The following BIRC6 variants were observed in gnomAD, a reference collection of about 807,000 sequenced individuals.
BIRC6 encodes dual E2 ubiquitin-conjugating enzyme/E3 ubiquitin-protein ligase BIRC6.
Under a neutral mutation model 503.3 loss-of-function variants are expected in BIRC6, and 98 were observed. That is an observed-to-expected ratio of 0.19 (90% CI 0.17 to 0.23). The LOEUF (loss-of-function observed/expected upper bound fraction) is 0.23. Among genes scored for constraint, BIRC6 ranks in the 10% least tolerant of loss-of-function variants. The pLI, the probability that BIRC6 is intolerant of heterozygous loss-of-function variation, is 1.00. For missense variants in BIRC6, 5,360 were observed against 5,806.0 expected (o/e 0.92, Z 2.50); for synonymous variants, 2,240 against 2,078.7 (o/e 1.08, Z -2.11).
chr2:32,524,267 A>G (rs1041445871), intron 57 of BIRC6, among the ~76,000 whole-genome samples: 2 of 152,198 alleles, frequency 1.3e-5, no homozygotes, highest in African/African-American at 4.8e-5. Context: ...TCATTTTTTA[A>G]AGTAAAACAC....
Position 32,483,827 on chromosome 2 carries a change from A to G in BIRC6, c.7696+1245A>G, listed in dbSNP as rs184793823. On this transcript the variant is annotated intron_variant, in intron 39 of 73. Coordinates refer to ENST00000421745, the MANE Select transcript of BIRC6 (RefSeq NM_016252.4). ...ATGCTCCCCCCCAACATTTCATTCA[A>G]TTAGGGTGGCCCATGATTTTGATCT... Among the ~76,000 whole-genome samples the G allele has an allele frequency of 2.0e-5, 3 of 152,336 alleles. No individual in the cohort carries two copies. The East Asian group carries it at 5.8e-4, about 29-fold the overall frequency.
At chr2:32,508,737 T>C (rs2054070252) in intron 51 of BIRC6, among the ~76,000 whole-genome samples, 1 of 152,132 alleles carries the variant, frequency 6.6e-6, no homozygotes, top group South Asian at 2.1e-4. Context: ...TTCTGATAAA[T>C]TTTGACAGCT....
intron 55 of BIRC6, 47 bp downstream of exon 55, chr2:32,515,817 A>G (rs1297047491): frequency 7.3e-6 from 11 of 1,503,394 alleles, no homozygotes; most frequent in Non-Finnish European, 8.9e-6. Context: ...ATTACATAAG[A>G]AAGGGCCATG....
At chr2:32,465,185 ATTT>A (rs374940577) in intron 26 of BIRC6, 21 bp downstream of exon 26, 3,796 of 836,326 alleles carry the variant, frequency 4.5e-3, no homozygotes, top group South Asian at 5.9e-3. Context: ...ACTTTCTTAA[ATTT>A]TTTTTTTTTT....
At chr2:32,392,341 G>A (rs982345319) in intron 5 of BIRC6, among the ~76,000 whole-genome samples, 191 bp downstream of exon 5, 1 of 152,034 alleles carries the variant, frequency 6.6e-6, no homozygotes. Flanking sequence ...TGCAACCTCC[G>A]CCTCTCAGGT....
chr2:32,477,239 C>G (rs1335315549), intron 34 of BIRC6, 129 bp from the exon 35 acceptor site: 25 of 743,602 alleles, frequency 3.4e-5, no homozygotes, highest in Non-Finnish European at 5.2e-5. Flanking sequence ...TTGAAACTTA[C>G]AGTGTATCTA....
chr2:32,389,831 G>T lies in BIRC6; in HGVS notation c.839+888G>T, dbSNP rs376780500. 1.1e-3 allele frequency among the ~76,000 whole-genome samples: 161 copies of T among 151,068 alleles called. 1 individual carries two copies. Among genetic ancestry groups the T allele is most frequent in the African/African-American group, 3.9e-3 (159 of 41,174 alleles). On this transcript the variant is annotated intron_variant, in intron 4 of 73. Coordinates refer to ENST00000421745, the MANE Select transcript of BIRC6 (RefSeq NM_016252.4). ...CCTGCCTCAGCCTCCTGAGTAGCTG[G>T]AATTATAACCGTCCACCACCATGCA...
intron 19 of BIRC6, among the ~76,000 whole-genome samples, chr2:32,443,148 C>G (rs961942136): frequency 1.3e-5 from 2 of 152,168 alleles, no homozygotes; most frequent in Non-Finnish European, 2.9e-5. Context: ...TTAGACTGCA[C>G]TTGACCATGT....
chr2:32,433,636 T>A lies in BIRC6; in HGVS notation c.3249-8T>A. On this transcript the variant is annotated splice_region_variant and splice_polypyrimidine_tract_variant and intron_variant, in intron 12 of 73. Transcript: ENST00000421745. Reference sequence around the variant, plus strand: ...GCTTTATTTAGCATTTTTCCCCTTATTTGACAGCAACAGCTGGGATGAACA... The same window carrying A: ...GCTTTATTTAGCATTTTTCCCCTTAATTGACAGCAACAGCTGGGATGAACA... The A allele has an allele frequency of 6.5e-7, 1 of 1,532,722 alleles. No homozygotes were observed. Among genetic ancestry groups the A allele is most frequent in the African/African-American group, 1.3e-5 (1 of 74,140 alleles). 94.9% of individuals were successfully genotyped at this position (1,532,722 alleles called of 1,614,324 possible). A position where few individuals can be genotyped will look rare whatever the true frequency, so the allele number is the denominator to read the frequency against.
At chr2:32,557,964 T>G (rs2058898428) in intron 65 of BIRC6, 1 of 152,140 alleles carries the variant, frequency 6.6e-6, no homozygotes, top group South Asian at 2.1e-4. Context: ...TAGAAAATAC[T>G]AGTAAATACT....
chr2:32,456,848 C>T (rs533854498), intron 23 of BIRC6, among the ~76,000 whole-genome samples: 2 of 152,270 alleles, frequency 1.3e-5, no homozygotes, highest in South Asian at 4.1e-4. Context: ...TTTTTGTCAT[C>T]AAGTTTTATA....
At chr2:32,370,075 C>G (rs1010056091) in intron 1 of BIRC6, among the ~76,000 whole-genome samples, 1 of 148,126 alleles carries the variant, frequency 6.8e-6, no homozygotes, top group Non-Finnish European at 1.5e-5. Context: ...CACACACACA[C>G]ACACACAGCA....
rs1042135328 is a variant in BIRC6 at position 32,521,530 on chromosome 2, G to A, written c.11623+2584G>A. 7.3e-5 allele frequency among the ~76,000 whole-genome samples: 11 copies of A among 151,590 alleles called. No homozygotes were observed. In the South Asian group the frequency reaches 1.5e-3, roughly 20 times the overall value. On this transcript the variant is annotated intron_variant, in intron 57 of 73. Transcript: ENST00000421745. ...TCTGTCCCCCAGGCTGTGCAGTGGC[G>A]CGATCTCGGCTCACTGCAACCTCTG...
intron 13 of BIRC6, 24 bp downstream of exon 13, chr2:32,433,828 T>TTTGAAGA: frequency 6.9e-7 from 1 of 1,451,216 alleles, no homozygotes; most frequent in Non-Finnish European, 9.3e-7. Flanking sequence ...AAAATTTATC[T>TTTGAAGA]TTGAAGATTT....
rs150059343 is a variant in BIRC6, at chr2:32,431,085, C to T, written c.3243C>T (p.Thr1081=). 16,669 of 1,604,722 alleles carry T rather than the reference C, an allele frequency of 0.01. 119 individuals carry two copies. Among genetic ancestry groups the T allele is most frequent in the Non-Finnish European group, 0.012 (14,665 of 1,173,592 alleles). Residue 1081 remains threonine, a synonymous_variant, in exon 12 of 74, where the codon ACC becomes ACT. Coordinates refer to ENST00000421745, the MANE Select transcript of BIRC6 (RefSeq NM_016252.4). The stretch of plus-strand genomic sequence containing the variant: ...ATACTCGAACTTGGAAACTACAGAC[C>T]GACAGGTAAAAGATATTCCCAAGAT... The part of the protein sequence containing the change: ...AQHTRTWKLQ[T]DSNSWDEHVF...
At chr2:32,361,135 A>G (rs2034014206) in intron 1 of BIRC6, among the ~76,000 whole-genome samples, 1 of 151,918 alleles carries the variant, frequency 6.6e-6, no homozygotes, top group South Asian at 2.1e-4. Flanking sequence ...GGGTTTCACC[A>G]TGTTGGCCAG....
rs774137807 is a variant in BIRC6 at position 32,415,620 on chromosome 2, T to C, written c.2329T>C (p.Cys777Arg). Reference protein sequence around the residue: ...NNLNKLNSALCNRRKGELESN... With the variant: ...NNLNKLNSALRNRRKGELESN... ...TTTAAATAAATTAAACTCTGCACTA[T>C]GTAATAGACGGAAAGGTGAGCTGGA... The change falls in exon 10 of 74, where the codon TGT becomes CGT. Residue 777 changes from cysteine to arginine, a missense_variant. Physicochemically the swap from Cys to Arg is radical, Grantham distance 180 (BLOSUM62 -3). Around this residue, in one of 16 missense-constraint regions of BIRC6, gnomAD observed 700 missense variants for 739.3 expected, o/e 0.95. Transcript: ENST00000421745. 1.5e-5 allele frequency: 25 copies of C among 1,613,990 alleles called. No individual in the cohort carries two copies. The highest frequency in any genetic ancestry group is 1.9e-5 in the Non-Finnish European group (23 of 1,179,884).
intron 15 of BIRC6, 25 bp from the exon 16 acceptor site, chr2:32,439,483 T>C: frequency 6.3e-7 from 1 of 1,593,678 alleles, no homozygotes; most frequent in East Asian, 2.2e-5. Flanking sequence ...TCAGTTATTT[T>C]CCCCATTCTA....
At chr2:32,436,241 C>T (rs577572736) in intron 15 of BIRC6, 57 bp downstream of exon 15, 178 of 1,284,774 alleles carry the variant, frequency 1.4e-4, no homozygotes, top group Admixed American at 8.2e-4. Flanking sequence ...GTAAAAAAGA[C>T]GAAAAAAAAC....
Sources: allele counts gnomAD v4.1 joint callset (sites outside exome capture counted in the v4.1 genomes callset), GRCh38; gene constraint gnomAD v4.1.1; regional missense constraint gnomAD v4.1.1; transcripts MANE v1.5; gene names NCBI Gene and HGNC (gene_info 2026-07-23, HGNC 2026-07-21).